Variants in DLG2 observed in about 807,000 individuals in gnomAD.
The protein encoded by DLG2 is disks large homolog 2.
In DLG2, 45 loss-of-function variants were observed where a neutral mutation model predicts 132.5. The ratio of observed to expected loss-of-function variants is 0.34; its 90% CI spans 0.27 to 0.44. DLG2 has a LOEUF of 0.44. Among genes scored for constraint, DLG2 ranks in the 20% least tolerant of loss-of-function variants. The pLI is 1.00. For synonymous variants in DLG2, 424 were observed against 419.6 expected, an observed-to-expected ratio of 1.01 and a Z score of -0.13; for missense variants, 1,045 against 1,196.9, an observed-to-expected ratio of 0.87 and a Z score of 1.87.
intron 8 of DLG2, among the ~76,000 whole-genome samples, chr11:84,232,625 C>A (rs1026090877): frequency 6.6e-6 from 1 of 152,170 alleles, no homozygotes; most frequent in African/African-American, 2.4e-5. Flanking sequence ...TTGCTTCCCA[C>A]TCTCTGCTCT....
chr11:85,090,394 A>G (rs595435), intron 6 of DLG2, among the ~76,000 whole-genome samples: 101,625 of 152,044 alleles, frequency 0.67, 34,893 homozygotes, highest in East Asian at 0.93. Context: ...TCCACATCCA[A>G]TGGTCAGCAA....
chr11:84,089,498 T>C lies in DLG2; in HGVS notation c.749+9425A>G, dbSNP rs2097053583. On this transcript the variant is annotated intron_variant, in intron 10 of 27. Transcript: ENST00000376104. ...TTAATGAAAAAGCAAAAAAATGAAT[T>C]GACAAAGGACAGCCAAAGGACAACG... 1.3e-5 allele frequency among the ~76,000 whole-genome samples: 2 copies of C among 152,184 alleles called. 1 individual carries two copies. Among genetic ancestry groups the C allele is most frequent in the South Asian group, 4.1e-4 (2 of 4,832 alleles).
chr11:84,315,427 C>T lies in DLG2; in HGVS notation c.520-64136G>A, dbSNP rs376419660. On this transcript the variant is annotated intron_variant, in intron 7 of 27. Transcript: ENST00000376104. ...CTGTGCAACAACCATAAGCTAGATG[C>T]TATTAAGTAGGCTTGCTTCCTAGCC... Among the ~76,000 whole-genome samples, 65 of 152,188 alleles carry T rather than the reference C, an allele frequency of 4.3e-4. 1 individual carries two copies. The South Asian group carries it at 0.013, about 31-fold the overall frequency.
intron 4 of DLG2, among the ~76,000 whole-genome samples, chr11:85,242,203 G>C (rs561611934): frequency 6.6e-6 from 1 of 152,024 alleles, no homozygotes; most frequent in Non-Finnish European, 1.5e-5. Flanking sequence ...TTCAAAACTT[G>C]AAAGTGTTAA....
At chr11:84,264,509 A>C (rs2097586562) in intron 7 of DLG2, among the ~76,000 whole-genome samples, 2 of 152,150 alleles carry the variant, frequency 1.3e-5, no homozygotes, top group South Asian at 4.1e-4. Context: ...GAGATGGGGA[A>C]ATAACAAGAA....
chr11:83,660,297 GA>G (rs2073925124), intron 18 of DLG2, among the ~76,000 whole-genome samples: 1 of 152,200 alleles, frequency 6.6e-6, no homozygotes. Context: ...CGCTATGGAA[GA>G]GGTCATAAGT....
intron 7 of DLG2, among the ~76,000 whole-genome samples, chr11:84,452,753 A>G (rs907557207): frequency 3.3e-5 from 5 of 151,600 alleles, no homozygotes; most frequent in African/African-American, 1.2e-4. Flanking sequence ...AGGTTTTGTA[A>G]GAAACATAAG....
intron 3 of DLG2, among the ~76,000 whole-genome samples, chr11:85,331,352 T>A (rs1188931538): frequency 6.6e-6 from 1 of 152,226 alleles, no homozygotes; most frequent in Non-Finnish European, 1.5e-5. Flanking sequence ...TATTCACTTT[T>A]AAAGATGCTA....
chr11:85,060,431 G>C (rs2063948221), intron 6 of DLG2, among the ~76,000 whole-genome samples: 1 of 149,700 alleles, frequency 6.7e-6, no homozygotes, highest in Non-Finnish European at 1.5e-5. Flanking sequence ...ATATATATGT[G>C]TATATATATA....
intron 7 of DLG2, among the ~76,000 whole-genome samples, chr11:84,321,780 T>A (rs2098406143): frequency 6.6e-6 from 1 of 152,224 alleles, no homozygotes; most frequent in Non-Finnish European, 1.5e-5. Context: ...CCAACCAGAT[T>A]GCCATCCAGA....
intron 6 of DLG2, among the ~76,000 whole-genome samples, chr11:84,843,538 G>C (rs1046792100): frequency 4.0e-5 from 6 of 151,810 alleles, no homozygotes; most frequent in African/African-American, 1.5e-4. Context: ...GATATAAAAA[G>C]TGTCCTTGGG....
At chr11:83,706,736 C>A (rs71465553) in intron 18 of DLG2, among the ~76,000 whole-genome samples, 1 of 152,198 alleles carries the variant, frequency 6.6e-6, no homozygotes, top group Admixed American at 6.5e-5. Flanking sequence ...CTCCCTTGCA[C>A]GTCCAGTTTT....
At chr11:84,546,593 T>C in intron 6 of DLG2, 1 of 473,634 alleles carries the variant, frequency 2.1e-6, no homozygotes, top group East Asian at 5.3e-5. Flanking sequence ...TGTCTTTGGT[T>C]CCACGACTCT....
At chr11:85,176,753 A>C (rs150326514) in intron 4 of DLG2, among the ~76,000 whole-genome samples, 376 of 152,308 alleles carry the variant, frequency 2.5e-3, no homozygotes, top group Non-Finnish European at 4.1e-3. Flanking sequence ...ATGGAATTTA[A>C]ACAAATTTAC....
intron 3 of DLG2, among the ~76,000 whole-genome samples, chr11:85,523,832 G>A (rs1396144455): frequency 6.6e-6 from 1 of 152,098 alleles, no homozygotes; most frequent in Non-Finnish European, 1.5e-5. Flanking sequence ...AGCAACCTAA[G>A]TGTCCCTCAA....
At chr11:83,910,839 T>C in intron 15 of DLG2, among the ~76,000 whole-genome samples, 1 of 152,114 alleles carries the variant, frequency 6.6e-6, no homozygotes, top group East Asian at 1.9e-4. Context: ...GATGACACAC[T>C]GAACATTTGA....
intron 11 of DLG2, among the ~76,000 whole-genome samples, chr11:84,007,012 T>C (rs971012897): frequency 6.6e-6 from 1 of 151,710 alleles, no homozygotes; most frequent in Non-Finnish European, 1.5e-5. Context: ...TCACCAAAAC[T>C]GTCAAGTGGG....
rs1417387659 is a variant in DLG2, at chr11:84,730,857, TC to T, written c.358-196127del. On this transcript the variant is annotated intron_variant, in intron 6 of 27. Transcript: ENST00000376104. Reference sequence around the variant, plus strand: ...AATGATTACTCAATGAAACAATTCCTCCCCTAAAACTGTGAAGACATCAGAT... The same window carrying T: ...AATGATTACTCAATGAAACAATTCCTCCCTAAAACTGTGAAGACATCAGAT... Among the ~76,000 whole-genome samples the T allele has an allele frequency of 2.0e-5, 3 of 152,078 alleles. No individual in the cohort carries two copies. In the East Asian group the frequency reaches 5.8e-4, roughly 29 times the overall value.
At chr11:85,609,764 T>C (rs555837634) in intron 2 of DLG2, among the ~76,000 whole-genome samples, 1 of 152,158 alleles carries the variant, frequency 6.6e-6, no homozygotes, top group Non-Finnish European at 1.5e-5. Context: ...GGCCAGGAAA[T>C]TGACTTCCTC....
Sources: gnomAD v4.1 joint callset for allele counts (sites outside exome capture counted in the v4.1 genomes callset) on GRCh38, gnomAD v4.1.1 for gene constraint, MANE v1.5 for transcripts, NCBI Gene and HGNC (gene_info 2026-07-23, HGNC 2026-07-21) for gene names.